MAPK6: variants seen among roughly 807,000 people sequenced by gnomAD.
MAPK6 encodes ERK-3.
In MAPK6, 19 loss-of-function variants were observed where a neutral mutation model predicts 59.3. The observed-to-expected ratio is 0.32, with a 90% confidence interval of 0.22 to 0.47. The LOEUF is 0.47. Among genes scored for constraint, MAPK6 ranks in the 20% least tolerant of loss-of-function variants. The probability of loss-of-function intolerance (pLI) is 1.00; values close to 1 mark genes in which losing one functional copy is unlikely to be tolerated. For synonymous variants in MAPK6, 316 were observed against 290.3 expected, an observed-to-expected ratio of 1.09 and a Z score of -0.90; for missense variants, 724 against 847.9, an observed-to-expected ratio of 0.85 and a Z score of 1.81.
chr15:51,998,357 A>C (rs1201787927), intron 2 of MAPK6, among the ~76,000 whole-genome samples: 1 of 151,682 alleles, frequency 6.6e-6, no homozygotes, highest in Non-Finnish European at 1.5e-5. Flanking sequence ...GGCGCCCACC[A>C]CCACAGCTGG....
intron 2 of MAPK6, among the ~76,000 whole-genome samples, chr15:51,992,943 C>T (rs2057214383): frequency 6.6e-6 from 1 of 152,044 alleles, no homozygotes. Flanking sequence ...AATCCTGTCC[C>T]TTTGGGTTTT....
chr15:52,053,637 T>C (rs2031862628), intron 3 of MAPK6, among the ~76,000 whole-genome samples: 2 of 26,978 alleles, frequency 7.4e-5, no homozygotes, highest in African/African-American at 3.0e-4. Flanking sequence ...GTTGATTGAT[T>C]GATTGATTGA....
chr15:52,059,426 C>T (rs978519753), intron 4 of MAPK6, among the ~76,000 whole-genome samples: 2 of 152,186 alleles, frequency 1.3e-5, no homozygotes, highest in African/African-American at 4.8e-5. Context: ...CCACACCTGG[C>T]CAAGGAGCAC....
intron 2 of MAPK6, among the ~76,000 whole-genome samples, chr15:51,984,622 T>G (rs2057185097): frequency 6.6e-6 from 1 of 151,944 alleles, no homozygotes; most frequent in Non-Finnish European, 1.5e-5. Flanking sequence ...TATTTAAATA[T>G]GCAGTAAATG....
In MAPK6 at chr15:52,034,783, C is replaced by T. The variant is rs368012715; in HGVS notation, c.-631-11047C>T. On this transcript the variant is annotated intron_variant, in intron 1 of 5. Coordinates refer to ENST00000261845, the MANE Select transcript of MAPK6 (RefSeq NM_002748.4). Reference sequence around the variant, plus strand: ...TGTGATCTCAGCTCACTACAACCTCCTCCTCCCGGGTTCAAGTGATTCTCC... The same window carrying T: ...TGTGATCTCAGCTCACTACAACCTCTTCCTCCCGGGTTCAAGTGATTCTCC... Among the ~76,000 whole-genome samples, 23 of 151,844 alleles carry T rather than the reference C, an allele frequency of 1.5e-4. No individual in the cohort carries two copies. In the East Asian group the frequency reaches 3.9e-3, roughly 26 times the overall value.
intron 4 of MAPK6, among the ~76,000 whole-genome samples, chr15:52,059,333 C>T (rs2032106323): frequency 6.6e-6 from 1 of 152,144 alleles, no homozygotes; most frequent in Non-Finnish European, 1.5e-5. Context: ...ACAGAGTCTT[C>T]CCTGGGCTGG....
chr15:52,032,186 ATTTT>A (rs566086048), intron 1 of MAPK6, among the ~76,000 whole-genome samples: 4 of 92,482 alleles, frequency 4.3e-5, no homozygotes, highest in Admixed American at 1.2e-4. Flanking sequence ...ACAATTTTTA[ATTTT>A]TTTTTTTTTT....
At chr15:52,007,499 C>T (rs757804100) in intron 3 of MAPK6, among the ~76,000 whole-genome samples, 22 of 152,018 alleles carry the variant, frequency 1.4e-4, no homozygotes, top group Admixed American at 2.6e-4. Context: ...TGTTATTCTA[C>T]GTAAGAAAAA....
chr15:52,044,915 A>T (rs553483996), intron 1 of MAPK6, among the ~76,000 whole-genome samples: 54 of 135,666 alleles, frequency 4.0e-4, no homozygotes, highest in Non-Finnish European at 6.6e-4. Context: ...TATTTGTCTC[A>T]TTTTTTTTTC....
chr15:51,983,988 T>TAA (rs552159125), intron 2 of MAPK6, among the ~76,000 whole-genome samples: 4,917 of 143,232 alleles, frequency 0.034, 268 homozygotes, highest in African/African-American at 0.12. Context: ...ACTGTCTCAT[T>TAA]AAAAAAAAAA....
intron 1 of MAPK6, among the ~76,000 whole-genome samples, chr15:51,974,196 A>G (rs941086023): frequency 2.0e-5 from 3 of 151,760 alleles, no homozygotes; most frequent in Non-Finnish European, 4.4e-5. Context: ...TCCTGGCCTC[A>G]AGTGATCCTC....
At chr15:52,012,111 G>A (rs181821308) in intron 3 of MAPK6, among the ~76,000 whole-genome samples, 34 of 152,290 alleles carry the variant, frequency 2.2e-4, no homozygotes, top group Admixed American at 2.0e-3. Context: ...AATGCCTCTC[G>A]TAATAGCCCT....
At chr15:51,995,747 G>C (rs1160145453) in intron 2 of MAPK6, among the ~76,000 whole-genome samples, 1 of 152,072 alleles carries the variant, frequency 6.6e-6, no homozygotes, top group Non-Finnish European at 1.5e-5. Context: ...GCCCAACATG[G>C]TGAAACCCTG....
At chr15:51,972,595 G>A (rs1347570048) in intron 1 of MAPK6, among the ~76,000 whole-genome samples, 9 of 147,848 alleles carry the variant, frequency 6.1e-5, no homozygotes, top group East Asian at 4.0e-4. Context: ...AGGCCGAGGC[G>A]GGTGGATCAC....
intron 3 of MAPK6, 37 bp from the exon 4 acceptor site, chr15:52,058,596 T>C: frequency 6.5e-7 from 1 of 1,531,934 alleles, no homozygotes; most frequent in Non-Finnish European, 8.8e-7. Flanking sequence ...AAGTAAACAT[T>C]GAGGAATGTG....
intron 2 of MAPK6, among the ~76,000 whole-genome samples, chr15:51,992,303 A>AT (rs1388505754): frequency 0.024 from 2,265 of 92,560 alleles, 42 homozygotes; most frequent in East Asian, 0.16. Context: ...ATATATATAT[A>AT]TATTTTTTTT....
At chr15:52,014,388 T>A (rs1402565028), upstream of MAPK6, among the ~76,000 whole-genome samples, 1 of 152,144 alleles carries the variant, frequency 6.6e-6, no homozygotes, top group Non-Finnish European at 1.5e-5. Context: ...GTCATCAATT[T>A]TAAGTATTTC....
chr15:52,011,012 TTC>T (rs1236046225), intron 3 of MAPK6: 1 of 152,196 alleles, frequency 6.6e-6, no homozygotes, highest in Non-Finnish European at 1.5e-5. Flanking sequence ...TATTCACAGA[TTC>T]TGTTTGCAAA....
chr15:52,010,344 G>A (rs1035984831), intron 3 of MAPK6, among the ~76,000 whole-genome samples: 4 of 151,444 alleles, frequency 2.6e-5, no homozygotes, highest in Admixed American at 6.6e-5. Flanking sequence ...TCAGCCTCTC[G>A]AGTAGCTGAG....
Sources: gnomAD v4.1 joint callset for allele counts (sites outside exome capture counted in the v4.1 genomes callset) on GRCh38, gnomAD v4.1.1 for gene constraint, MANE v1.5 for transcripts, NCBI Gene and HGNC (gene_info 2026-07-23, HGNC 2026-07-21) for gene names.